VPS13B: variants seen among roughly 807,000 people sequenced by gnomAD.
VPS13B encodes vacuolar protein sorting 13 homolog B.
VPS13B carries 285 observed loss-of-function variants against 426.4 expected under a neutral mutation model. The observed-to-expected ratio is 0.67, with a 90% confidence interval of 0.61 to 0.74. The LOEUF (loss-of-function observed/expected upper bound fraction) is 0.74. Among genes scored for constraint, VPS13B ranks in the 30% least tolerant of loss-of-function variants. VPS13B has a pLI of 0.00. For synonymous variants in VPS13B, 1,676 were observed against 1,676.4 expected (o/e 1.00, Z 0.01); for missense variants, 4,537 against 4,782.6 (o/e 0.95, Z 1.51).
At chr8:99,090,216 A>C (rs1846063951) in intron 3 of VPS13B, among the ~76,000 whole-genome samples, 1 of 151,676 alleles carries the variant, frequency 6.6e-6, no homozygotes, top group South Asian at 2.1e-4. Context: ...TATCCTTGAA[A>C]TACTTGCTGC....
intron 17 of VPS13B, among the ~76,000 whole-genome samples, chr8:99,217,813 C>G (rs1815470044): frequency 6.6e-6 from 1 of 152,162 alleles, no homozygotes. Context: ...TGGGCCATAT[C>G]TGGTTGTGCC....
chr8:99,168,892 C>A (rs1199249364), intron 15 of VPS13B, among the ~76,000 whole-genome samples: 1 of 151,886 alleles, frequency 6.6e-6, no homozygotes, highest in Non-Finnish European at 1.5e-5. Flanking sequence ...TGTTTTATTT[C>A]TAAAACATTG....
intron 28 of VPS13B, among the ~76,000 whole-genome samples, chr8:99,508,615 G>C (rs1053684362): frequency 6.6e-6 from 1 of 152,072 alleles, no homozygotes; most frequent in Admixed American, 6.6e-5. Flanking sequence ...TGGAGGAAGT[G>C]TTTAGATTTA....
intron 24 of VPS13B, among the ~76,000 whole-genome samples, chr8:99,474,542 G>C (rs1212412870): frequency 6.6e-6 from 1 of 151,936 alleles, no homozygotes; most frequent in Non-Finnish European, 1.5e-5. Flanking sequence ...TAAACATAAA[G>C]ACAAATAATG....
intron 31 of VPS13B, among the ~76,000 whole-genome samples, chr8:99,566,721 T>C (rs1454065861): frequency 6.6e-6 from 1 of 152,174 alleles, no homozygotes; most frequent in Non-Finnish European, 1.5e-5. Context: ...GAGAGGCCAC[T>C]GTGCCCAGCG....
intron 21 of VPS13B, among the ~76,000 whole-genome samples, chr8:99,423,423 A>ATTTT (rs202230044): frequency 5.8e-5 from 8 of 138,412 alleles, no homozygotes; most frequent in Non-Finnish European, 7.8e-5. Context: ...CATCTAGCTA[A>ATTTT]TTTTTTTTTT....
intron 36 of VPS13B, among the ~76,000 whole-genome samples, chr8:99,700,335 C>G (rs543916158): frequency 1.2e-4 from 18 of 152,302 alleles, no homozygotes; most frequent in Admixed American, 8.5e-4. Flanking sequence ...ATTCTCAGAC[C>G]CCACCCATGA....
chr8:99,744,362 A>G (rs1809950494), intron 39 of VPS13B, among the ~76,000 whole-genome samples: 2 of 152,176 alleles, frequency 1.3e-5, no homozygotes, highest in South Asian at 2.1e-4. Context: ...ACACTTTTAC[A>G]CTGTTGGTGG....
chr8:99,177,016 A>G (rs1812668471), intron 16 of VPS13B, among the ~76,000 whole-genome samples: 1 of 152,162 alleles, frequency 6.6e-6, no homozygotes, highest in South Asian at 2.1e-4. Context: ...ATTGAGGAGA[A>G]AGGATATCTA....
At chr8:99,721,454 T>C (rs1417421237) in intron 39 of VPS13B, among the ~76,000 whole-genome samples, 2 of 152,190 alleles carry the variant, frequency 1.3e-5, no homozygotes, top group Non-Finnish European at 2.9e-5. Flanking sequence ...AGTTTTCATT[T>C]CCATAGCTGA....
chr8:99,717,481 T>G, intron 37 of VPS13B, 108 bp downstream of exon 37: 2 of 1,008,264 alleles, frequency 2.0e-6, no homozygotes, highest in Non-Finnish European at 3.1e-6. Context: ...GAAAGGGTAT[T>G]TGTCAGATTG....
At chr8:99,739,476 T>C (rs1833977020) in intron 39 of VPS13B, among the ~76,000 whole-genome samples, 1 of 152,208 alleles carries the variant, frequency 6.6e-6, no homozygotes, top group Non-Finnish European at 1.5e-5. Context: ...AAGAGAGTAG[T>C]GGTTCTCCCT....
chr8:99,691,335 A>C (rs1456418871), intron 35 of VPS13B, among the ~76,000 whole-genome samples: 2 of 152,028 alleles, frequency 1.3e-5, no homozygotes, highest in African/African-American at 4.8e-5. Context: ...GTATACTAAA[A>C]ACAATAAATT....
At position 99,187,836 on chromosome 8, in the gene VPS13B, TATGCACCCA is replaced by T. The variant is rs1367989648; in HGVS notation, c.2334-5039_2334-5031del. ...AATAAAAATTAGCCGGGCATGCTGG[TATGCACCCA>T]TTGTCCCAGTTACTCGGGTGACTGA... On this transcript the variant is annotated intron_variant, in intron 16 of 61. Transcript: ENST00000357162. 3.9e-3 allele frequency among the ~76,000 whole-genome samples: 587 copies of T among 152,092 alleles called. 5 individuals are homozygous for T. Among genetic ancestry groups the T allele is most frequent in the African/African-American group, 0.013 (522 of 41,500 alleles).
chr8:99,743,623 A>G (rs947250616), intron 39 of VPS13B, among the ~76,000 whole-genome samples: 1 of 152,228 alleles, frequency 6.6e-6, no homozygotes, highest in Admixed American at 6.5e-5. Context: ...TCCAAAATAG[A>G]GATACAGACC....
chr8:99,838,179 G>A (rs974323309), intron 54 of VPS13B, among the ~76,000 whole-genome samples: 10 of 152,208 alleles, frequency 6.6e-5, no homozygotes, highest in African/African-American at 2.4e-4. Context: ...CTCACACCTA[G>A]TCAGGAGACA....
At chr8:99,420,619 A>G (rs1231526244) in intron 21 of VPS13B, among the ~76,000 whole-genome samples, 2 of 152,156 alleles carry the variant, frequency 1.3e-5, no homozygotes, top group Admixed American at 6.5e-5. Flanking sequence ...AGAGGACATA[A>G]AGAGAATGTG....
chr8:99,818,975 A>T (rs1427604786), intron 47 of VPS13B, 87 bp downstream of exon 47: 10 of 133,532 alleles, frequency 7.5e-5, no homozygotes, highest in Middle Eastern at 2.7e-3. Flanking sequence ...GCGGCGGGGG[A>T]GGGGTGGGTA....
intron 21 of VPS13B, among the ~76,000 whole-genome samples, chr8:99,418,594 G>A (rs539899325): frequency 1.3e-5 from 2 of 149,262 alleles, no homozygotes; most frequent in South Asian, 2.1e-4. Flanking sequence ...TGTAACCCAG[G>A]CTGGAGTGCA....
Sources: allele counts gnomAD v4.1 joint callset (sites outside exome capture counted in the v4.1 genomes callset), GRCh38; gene constraint gnomAD v4.1.1; transcripts MANE v1.5; gene names NCBI Gene and HGNC (gene_info 2026-07-23, HGNC 2026-07-21).